STYX: variants seen among roughly 807,000 people sequenced by gnomAD.
STYX encodes the protein serine/threonine/tyrosine-interacting protein.
STYX carries 20 observed loss-of-function variants against 42.7 expected under a neutral mutation model. The ratio of observed to expected loss-of-function variants is 0.47; its 90% CI spans 0.33 to 0.68. The LOEUF (loss-of-function observed/expected upper bound fraction) is 0.68, where lower values mean the gene tolerates loss of function less well. Ranked by LOEUF, STYX falls within the 30% of genes least tolerant of loss-of-function variation. The pLI is 0.02. For missense variants in STYX, 226 were observed against 268.5 expected (o/e 0.84, Z 1.11); for synonymous variants, 78 against 81.9 (o/e 0.95, Z 0.26).
chr14:52,746,491 G>C lies in STYX; in HGVS notation c.144+12G>C. On this transcript the variant is annotated intron_variant, in intron 3 of 10. Transcript: ENST00000354586. ...CTATGAAAAGCAAGGTATGAACTTTGTTAGATTCATCAAGAGAGACTTTTA... is the reference window on the plus strand; with the variant it reads ...CTATGAAAAGCAAGGTATGAACTTTCTTAGATTCATCAAGAGAGACTTTTA... 6.5e-7 allele frequency: 1 copy of C among 1,550,320 alleles called. No individual in the cohort carries two copies. The highest frequency in any genetic ancestry group is 8.6e-7 in the Non-Finnish European group (1 of 1,159,236).
intron 2 of STYX, among the ~76,000 whole-genome samples, chr14:52,745,146 G>C (rs1881348213): frequency 7.0e-6 from 1 of 142,472 alleles, no homozygotes; most frequent in South Asian, 2.2e-4. Flanking sequence ...TTGAAACAGA[G>C]TTTCGCTCTT....
At chr14:52,740,828 A>G (rs779896474) in intron 1 of STYX, among the ~76,000 whole-genome samples, 1 of 152,206 alleles carries the variant, frequency 6.6e-6, no homozygotes, top group African/African-American at 2.4e-5. Flanking sequence ...TTGAGTTTTG[A>G]TGAACATACA....
intron 1 of STYX, 104 bp from the exon 2 acceptor site, chr14:52,744,748 A>G (rs1881328091): frequency 9.5e-7 from 1 of 1,047,706 alleles, no homozygotes; most frequent in African/African-American, 1.6e-5. Flanking sequence ...TTAAAGTATA[A>G]TGTAACTTTA....
chr14:52,768,994 T>C, intron 10 of STYX, 61 bp downstream of exon 10: 1 of 1,264,076 alleles, frequency 7.9e-7, no homozygotes, highest in Non-Finnish European at 1.1e-6. Flanking sequence ...GTGGAGAACT[T>C]GCTACAAGTT....
intron 3 of STYX, among the ~76,000 whole-genome samples, chr14:52,749,181 A>G (rs1473301739): frequency 2.0e-5 from 3 of 152,084 alleles, no homozygotes; most frequent in Non-Finnish European, 4.4e-5. Context: ...TCACACGGCC[A>G]AGAGAACGAG....
intron 4 of STYX, among the ~76,000 whole-genome samples, chr14:52,751,640 T>C (rs1473326918): frequency 6.6e-6 from 1 of 152,194 alleles, no homozygotes; most frequent in Non-Finnish European, 1.5e-5. Flanking sequence ...GGTATCTCAT[T>C]TGATGTTCTT....
chr14:52,756,880 T>C (rs556197209), intron 5 of STYX, among the ~76,000 whole-genome samples: 86 of 151,910 alleles, frequency 5.7e-4, no homozygotes, highest in African/African-American at 2.0e-3. Context: ...AGAGACGGGG[T>C]TTCTCCATGT....
At chr14:52,742,173 A>T (rs985573804) in intron 1 of STYX, among the ~76,000 whole-genome samples, 1 of 152,184 alleles carries the variant, frequency 6.6e-6, no homozygotes, top group Non-Finnish European at 1.5e-5. Context: ...ACCCCACTCC[A>T]CCACTACCAA....
intron 3 of STYX, 70 bp from the exon 4 acceptor site, chr14:52,750,613 A>G: frequency 2.0e-6 from 2 of 1,007,706 alleles, no homozygotes; most frequent in Non-Finnish European, 2.9e-6. Flanking sequence ...TGTGTTATAT[A>G]GTAAGATGAT....
intron 1 of STYX, among the ~76,000 whole-genome samples, chr14:52,743,336 C>A (rs1881269074): frequency 6.6e-6 from 1 of 152,034 alleles, no homozygotes. Flanking sequence ...AATCCCAGCA[C>A]TTTGGGAGGC....
intron 9 of STYX, among the ~76,000 whole-genome samples, chr14:52,764,083 C>G (rs1882204188): frequency 6.6e-6 from 1 of 152,074 alleles, no homozygotes; most frequent in Non-Finnish European, 1.5e-5. Context: ...ACCTCTGCCT[C>G]CTGGGTTCAA....
At chr14:52,743,971 T>G (rs1482590170) in intron 1 of STYX, among the ~76,000 whole-genome samples, 3 of 152,016 alleles carry the variant, frequency 2.0e-5, no homozygotes, top group African/African-American at 7.2e-5. Context: ...ACAGGCAGGC[T>G]CCACCATGCC....
Position 52,750,731 on chromosome 14 carries a change from C to A in STYX, c.193C>A (p.Gln65Lys). ...AATAACCCATATAATATGCATACGA[C>A]AAAATATTGAAGCAAACTTTATTAA... ...HGITHIICIR[Q>K]NIEANFIKPN... Residue 65 changes from glutamine to lysine, a missense_variant, in exon 4 of 11, where the codon CAA becomes AAA. Transcript: ENST00000354586. 6.3e-7 allele frequency: 1 copy of A among 1,593,082 alleles called. No homozygotes were observed. Among genetic ancestry groups the A allele is most frequent in the South Asian group, 1.2e-5 (1 of 86,278 alleles).
rs561895805 is a variant in STYX, at chr14:52,772,937, T to C, written c.*1831T>C. 6.6e-6 allele frequency: 1 copy of C among 152,254 alleles called. No individual in the cohort carries two copies. Among genetic ancestry groups the C allele is most frequent in the African/African-American group, 2.4e-5 (1 of 41,530 alleles). 9.4% of individuals were successfully genotyped at this position (152,254 alleles called of 1,614,324 possible). A position where few individuals can be genotyped will look rare whatever the true frequency, so the allele number is the denominator to read the frequency against. ...TGGAGTCAAGATTCGCATTGGGTTT[T>C]CTAAAATTCCAGTTGATAAAAGTTC... On this transcript the variant is annotated 3_prime_UTR_variant, in exon 11 of 11. Coordinates refer to ENST00000354586, the MANE Select transcript of STYX (RefSeq NM_145251.4).
rs767231848 is a variant in STYX, at chr14:52,757,302, A to C, written c.304-17A>C. ...TTATTTTATGCTTACATTAATCCAC[A>C]TGTCTTTTGCCTCCAGACTAAGGAA... is the stretch of plus-strand genomic sequence containing the variant. On this transcript the variant is annotated splice_polypyrimidine_tract_variant and intron_variant, in intron 5 of 10. Coordinates refer to ENST00000354586, the MANE Select transcript of STYX (RefSeq NM_145251.4). 1 of 1,597,968 alleles carries C rather than the reference A, an allele frequency of 6.3e-7. No individual in the cohort carries two copies. The highest frequency in any genetic ancestry group is 8.5e-7 in the Non-Finnish European group (1 of 1,170,158).
At position 52,755,166 on chromosome 14, in the gene STYX, A is replaced by T. The variant is rs181080020; in HGVS notation, c.243-1385A>T. On this transcript the variant is annotated intron_variant, in intron 4 of 10. Coordinates refer to ENST00000354586, the MANE Select transcript of STYX (RefSeq NM_145251.4). ...GAAACAGAGTCTTGCTGTTTCACCCAGGCTGGAGTGCAGTGGCACAATTTT... is the reference window on the plus strand; with the variant it reads ...GAAACAGAGTCTTGCTGTTTCACCCTGGCTGGAGTGCAGTGGCACAATTTT... 5.6e-5 allele frequency among the ~76,000 whole-genome samples: 8 copies of T among 141,828 alleles called. No homozygotes were observed. In the East Asian group the frequency reaches 1.7e-3, roughly 30 times the overall value. The allele number at this position is 141,828 out of a possible 152,430, so 93.0% of individuals were successfully genotyped here.
chr14:52,764,047 C>T (rs1882202132), intron 9 of STYX, among the ~76,000 whole-genome samples: 4 of 152,118 alleles, frequency 2.6e-5, no homozygotes, highest in Admixed American at 2.6e-4. Flanking sequence ...GGCTGGAGTG[C>T]AGTGGTGCGA....
Position 52,759,748 on chromosome 14 carries a change from A to C in STYX, c.498A>C (p.Gln166His). Residue 166 changes from glutamine to histidine, a missense_variant, in exon 9 of 11, where the codon CAA becomes CAC. Physicochemically the swap from Gln to His is conservative, Grantham distance 24. Coordinates refer to ENST00000354586, the MANE Select transcript of STYX (RefSeq NM_145251.4). ...ATCCTAATGCTGGATTTGTCCATCA[A>C]CTTCAGGTAACTTTTCTTCCTCTTT... is the stretch of plus-strand genomic sequence containing the variant. ...CINPNAGFVH[Q>H]LQEYEAIYLA... The C allele has an allele frequency of 6.2e-7, 1 of 1,605,942 alleles. No homozygotes were observed.
intron 1 of STYX, among the ~76,000 whole-genome samples, chr14:52,731,186 A>AT (rs1490595690): frequency 1.3e-5 from 2 of 151,796 alleles, no homozygotes; most frequent in South Asian, 2.1e-4. Flanking sequence ...TTCTACTCGG[A>AT]TTTTTTTTCA....
Sources: gnomAD v4.1 joint callset for allele counts (sites outside exome capture counted in the v4.1 genomes callset) on GRCh38, gnomAD v4.1.1 for gene constraint, MANE v1.5 for transcripts, NCBI Gene and HGNC (gene_info 2026-07-23, HGNC 2026-07-21) for gene names.